STX17: variants seen among roughly 807,000 people sequenced by gnomAD.
The protein encoded by STX17 is syntaxin-17.
A neutral mutation model predicts 35.9 loss-of-function variants in STX17; 29 were observed. The observed-to-expected ratio is 0.81, with a 90% CI of 0.60 to 1.10. The LOEUF is 1.10. Ranked by LOEUF, STX17 falls within the 50% of genes least tolerant of loss-of-function variation. The probability of loss-of-function intolerance (pLI) is 0.00; values close to 1 mark genes in which losing one functional copy is unlikely to be tolerated. For synonymous variants in STX17, 92 were observed against 118.3 expected (o/e 0.78, Z 1.44); for missense variants, 312 against 352.3 (o/e 0.89, Z 0.92).
chr9:99,954,340 T>G (rs1461019496), intron 4 of STX17, among the ~76,000 whole-genome samples: 2 of 152,032 alleles, frequency 1.3e-5, no homozygotes, highest in East Asian at 3.8e-4. Context: ...ATTAATCCAC[T>G]GCCAACATAA....
intron 2 of STX17, among the ~76,000 whole-genome samples, chr9:99,926,176 A>C (rs1177290667): frequency 2.1e-4 from 32 of 151,758 alleles, no homozygotes. Context: ...AATATTTTAA[A>C]ATATCTTATA....
At chr9:99,911,541 A>G (rs939168785) in intron 1 of STX17, among the ~76,000 whole-genome samples, 1 of 152,098 alleles carries the variant, frequency 6.6e-6, no homozygotes, top group African/African-American at 2.4e-5. Context: ...TTGCTGGATC[A>G]TATGGTAGTT....
intron 4 of STX17, among the ~76,000 whole-genome samples, chr9:99,959,314 A>T (rs1554702559): frequency 6.6e-6 from 1 of 152,118 alleles, no homozygotes; most frequent in Non-Finnish European, 1.5e-5. Flanking sequence ...AAGCTGAGGC[A>T]GGAGGATCAG....
intron 4 of STX17, among the ~76,000 whole-genome samples, chr9:99,958,927 G>A (rs1349130562): frequency 6.6e-6 from 1 of 152,134 alleles, no homozygotes; most frequent in African/African-American, 2.4e-5. Flanking sequence ...AGAAGATTGA[G>A]GAGAAGAGTA....
chr9:99,962,070 A>G (rs941185942), intron 6 of STX17, among the ~76,000 whole-genome samples: 2 of 151,860 alleles, frequency 1.3e-5, no homozygotes, highest in South Asian at 4.1e-4. Context: ...ACCCCACCAT[A>G]TTTTCTTCTC....
intron 2 of STX17, among the ~76,000 whole-genome samples, chr9:99,917,288 T>C (rs1005454732): frequency 1.3e-5 from 2 of 152,160 alleles, no homozygotes; most frequent in Non-Finnish European, 2.9e-5. Flanking sequence ...CTATATAGGA[T>C]TGAATAGCTT....
At chr9:99,933,603 G>A (rs187025208) in intron 3 of STX17, among the ~76,000 whole-genome samples, 51 of 151,914 alleles carry the variant, frequency 3.4e-4, no homozygotes, top group Non-Finnish European at 5.7e-4. Flanking sequence ...AGTTTTTTGC[G>A]TACAGGTTGT....
rs543798982 is a variant in STX17 at position 99,970,892 on chromosome 9, A to G, written c.*2219A>G. ...CTTGGTATTGGTATCTCTCATTTTT[A>G]CTGAGCCAGTGTGGAATACCACTGT... On this transcript the variant is annotated 3_prime_UTR_variant, in exon 8 of 8. Transcript: ENST00000259400. Among the ~76,000 whole-genome samples, 74 of 152,296 alleles carry G rather than the reference A, an allele frequency of 4.9e-4. No individual in the cohort carries two copies. The highest frequency in any genetic ancestry group is 1.6e-3 in the African/African-American group (67 of 41,564).
chr9:99,955,304 A>G (rs1349850008), intron 4 of STX17, among the ~76,000 whole-genome samples: 2 of 152,098 alleles, frequency 1.3e-5, no homozygotes, highest in African/African-American at 4.8e-5. Context: ...AGGTATATAC[A>G]TGTACTGAAC....
At chr9:99,916,545 A>G (rs1023801608) in intron 2 of STX17, among the ~76,000 whole-genome samples, 2 of 152,066 alleles carry the variant, frequency 1.3e-5, no homozygotes, top group Non-Finnish European at 2.9e-5. Context: ...TCAGTAGCAT[A>G]TAGAAGTCAG....
chr9:99,915,401 T>C (rs1240628197), intron 2 of STX17, 39 bp downstream of exon 2: 1 of 1,563,856 alleles, frequency 6.4e-7, no homozygotes, highest in Non-Finnish European at 8.6e-7. Context: ...AATAGTTACA[T>C]AGTTTGATTT....
chr9:99,964,225 GT>G (rs1487739809), intron 6 of STX17, among the ~76,000 whole-genome samples: 1 of 152,120 alleles, frequency 6.6e-6, no homozygotes, highest in Non-Finnish European at 1.5e-5. Flanking sequence ...CAGTTCATTG[GT>G]TTTGAATTTA....
chr9:99,907,540 C>T (rs796557669), intron 1 of STX17: 3 of 152,316 alleles, frequency 2.0e-5, no homozygotes, highest in African/African-American at 7.2e-5. Flanking sequence ...GTTTGTAAAG[C>T]ACCTGGCACA....
chr9:99,937,140 C>G (rs1829252953), intron 3 of STX17, among the ~76,000 whole-genome samples: 1 of 152,062 alleles, frequency 6.6e-6, no homozygotes, highest in Non-Finnish European at 1.5e-5. Flanking sequence ...TATCATTGTT[C>G]CTTTGTATGT....
At chr9:99,942,144 G>A (rs530060644) in intron 3 of STX17, among the ~76,000 whole-genome samples, 1 of 152,264 alleles carries the variant, frequency 6.6e-6, no homozygotes, top group South Asian at 2.1e-4. Flanking sequence ...ATTTAGTATT[G>A]TCAGACTTTA....
intron 3 of STX17, among the ~76,000 whole-genome samples, chr9:99,939,381 T>G (rs1829303895): frequency 6.6e-6 from 1 of 152,204 alleles, no homozygotes; most frequent in Non-Finnish European, 1.5e-5. Context: ...TTAGGATCCT[T>G]GACCTCTACT....
intron 4 of STX17, among the ~76,000 whole-genome samples, chr9:99,955,610 A>G (rs1393262205): frequency 6.6e-6 from 1 of 152,138 alleles, no homozygotes; most frequent in East Asian, 1.9e-4. Flanking sequence ...TGGTAAAATC[A>G]TTGCTGTTCA....
intron 1 of STX17, among the ~76,000 whole-genome samples, chr9:99,907,901 C>G (rs1448980710): frequency 6.6e-6 from 1 of 152,080 alleles, no homozygotes. Context: ...TGTCTTGGGT[C>G]CTTGGTCTCC....
intron 2 of STX17, among the ~76,000 whole-genome samples, chr9:99,916,517 C>T (rs1828778964): frequency 6.6e-6 from 1 of 151,436 alleles, no homozygotes. Context: ...TCAATATAAA[C>T]ATTATTCATT....
Sources: gnomAD v4.1 joint callset for allele counts (sites outside exome capture counted in the v4.1 genomes callset) on GRCh38, gnomAD v4.1.1 for gene constraint, MANE v1.5 for transcripts, NCBI Gene and HGNC (gene_info 2026-07-23, HGNC 2026-07-21) for gene names.